The following NFIB variants were observed in gnomAD, a reference collection of about 807,000 sequenced individuals.
NFIB encodes nuclear factor 1 B-type.
In NFIB, 11 loss-of-function variants were observed where a neutral mutation model predicts 61.5. The observed-to-expected ratio is 0.18, with a 90% CI of 0.11 to 0.30. The LOEUF is 0.30. Among genes scored for constraint, NFIB ranks in the 10% least tolerant of loss-of-function variants. The pLI is 1.00. For missense variants in NFIB, 471 were observed against 608.9 expected, an observed-to-expected ratio of 0.77 and a Z score of 2.38; for synonymous variants, 260 against 216.5, an observed-to-expected ratio of 1.20 and a Z score of -1.76.
chr9:14,472,472 T>G, the NFIB span, among the ~76,000 whole-genome samples: 1 of 152,248 alleles, frequency 6.6e-6, no homozygotes, highest in Admixed American at 6.5e-5. Context: ...AATTAAAATG[T>G]GTAAAACAAA....
At chr9:14,357,092 T>G (rs998377703) in intron 1 of NFIB, 3 of 152,248 alleles carry the variant, frequency 2.0e-5, no homozygotes, top group Non-Finnish European at 4.4e-5. Context: ...TGAAATGCTC[T>G]GAATTTCTTG....
At chr9:14,427,774 G>C in the NFIB span, among the ~76,000 whole-genome samples, 2 of 151,966 alleles carry the variant, frequency 1.3e-5, no homozygotes, top group Admixed American at 1.3e-4. Context: ...CCAGAGGAGA[G>C]TCGGTGGCAC....
intron 8 of NFIB, among the ~76,000 whole-genome samples, chr9:14,116,703 C>T (rs1048545583): frequency 1.3e-5 from 2 of 152,234 alleles, no homozygotes; most frequent in Non-Finnish European, 2.9e-5. Flanking sequence ...GAACTAGCTA[C>T]AGTTGGAACC....
chr9:14,116,279 G>A lies in NFIB; in HGVS notation c.1313C>T (p.Pro438Leu). Residue 438 changes from proline (P) to leucine (L), a missense_variant, in exon 9 of 11, where the codon CCC becomes CTC. Around this residue, in one of 2 missense-constraint regions of NFIB, gnomAD observed 372 missense variants for 395.6 expected, o/e 0.94. Transcript: ENST00000380953. ...CACAGGTCGCACTGCACTGGGATGG[G>A]GAGAGGGTGCCAAGACAGGAGTGAA... ...GHFTPVLAPS[P>L]HPSAVRPVTL... 2 of 1,538,866 alleles carry A rather than the reference G, an allele frequency of 1.3e-6. No individual in the cohort carries two copies. Among genetic ancestry groups the A allele is most frequent in the Non-Finnish European group, 1.8e-6 (2 of 1,140,472 alleles).
intron 1 of NFIB, among the ~76,000 whole-genome samples, chr9:14,328,416 G>A (rs1322532232): frequency 1.3e-5 from 2 of 152,102 alleles, no homozygotes; most frequent in African/African-American, 2.4e-5. Context: ...AAAGTGCTAG[G>A]ATTATTATAG....
At chr9:14,406,130 T>A in the NFIB span, among the ~76,000 whole-genome samples, 4 of 152,180 alleles carry the variant, frequency 2.6e-5, no homozygotes, top group African/African-American at 7.2e-5. Context: ...AAGAAACTTT[T>A]ACATAGTGGA....
intron 1 of NFIB, among the ~76,000 whole-genome samples, chr9:14,381,330 C>G (rs1173230943): frequency 6.6e-6 from 1 of 151,684 alleles, no homozygotes; most frequent in Non-Finnish European, 1.5e-5. Flanking sequence ...GAGCTGAGAC[C>G]ATAGGCATAT....
At chr9:14,167,064 T>C (rs546938182) in intron 3 of NFIB, among the ~76,000 whole-genome samples, 1 of 112,150 alleles carries the variant, frequency 8.9e-6, no homozygotes, top group African/African-American at 3.6e-5. Context: ...ACCAAGGGCA[T>C]ATTGTTGTGT....
chr9:14,257,422 A>C (rs1256421300), intron 2 of NFIB, among the ~76,000 whole-genome samples: 1 of 152,182 alleles, frequency 6.6e-6, no homozygotes, highest in Non-Finnish European at 1.5e-5. Flanking sequence ...TCAGTGCTGA[A>C]TGAACAAGAG....
rs575808808 is a variant in NFIB at position 14,248,359 on chromosome 9, C to T, written c.562+58630G>A. Among the ~76,000 whole-genome samples the T allele has an allele frequency of 1.5e-4, 23 of 149,892 alleles. 3 individuals carry two copies. The South Asian group carries it at 4.3e-3, about 28-fold the overall frequency. ...CTTCCTTCCTTCCTGTAGCCTTGGTCTCCCAGGCTCAAGTGATCCTCCCAC... is the reference window on the plus strand; with the variant it reads ...CTTCCTTCCTTCCTGTAGCCTTGGTTTCCCAGGCTCAAGTGATCCTCCCAC... On this transcript the variant is annotated intron_variant, in intron 2 of 10. Transcript: ENST00000380953.
intron 1 of NFIB, among the ~76,000 whole-genome samples, chr9:14,349,391 G>A (rs1350727532): frequency 6.6e-6 from 1 of 152,120 alleles, no homozygotes; most frequent in Non-Finnish European, 1.5e-5. Context: ...AATTTAGGGG[G>A]TGTGGAAGCG....
At chr9:14,208,840 G>C (rs534593088) in intron 2 of NFIB, among the ~76,000 whole-genome samples, 3 of 152,120 alleles carry the variant, frequency 2.0e-5, no homozygotes, top group African/African-American at 2.4e-5. Flanking sequence ...AATTCATCTA[G>C]ACCCACTGAT....
chr9:14,432,767 G>C, the NFIB span, among the ~76,000 whole-genome samples: 1 of 152,172 alleles, frequency 6.6e-6, no homozygotes, highest in Non-Finnish European at 1.5e-5. Flanking sequence ...TCTTGAAAGT[G>C]GGTATTGAAA....
At chr9:14,500,006 C>T in the NFIB span, among the ~76,000 whole-genome samples, 5 of 152,024 alleles carry the variant, frequency 3.3e-5, no homozygotes, top group East Asian at 1.9e-4. Flanking sequence ...GTATAGTACC[C>T]GTCGGAGAGC....
the NFIB span, among the ~76,000 whole-genome samples, chr9:14,495,268 A>T: frequency 6.6e-6 from 1 of 151,976 alleles, no homozygotes; most frequent in African/African-American, 2.4e-5. Context: ...CAGATCTCCC[A>T]CACCCCTGGT....
chr9:14,529,065 G>C, the NFIB span, among the ~76,000 whole-genome samples: 1 of 152,132 alleles, frequency 6.6e-6, no homozygotes, highest in South Asian at 2.1e-4. Context: ...AAAACTGAAT[G>C]TAGGTAGATG....
chr9:14,418,138 G>A, the NFIB span, among the ~76,000 whole-genome samples: 2 of 152,124 alleles, frequency 1.3e-5, no homozygotes, highest in Non-Finnish European at 2.9e-5. Context: ...ATTAAAGTCT[G>A]AGGACCACTG....
chr9:14,099,299 T>G (rs2035361077), intron 10 of NFIB, among the ~76,000 whole-genome samples: 1 of 152,204 alleles, frequency 6.6e-6, no homozygotes, highest in Admixed American at 6.5e-5. Context: ...ATTATTTAAT[T>G]CTTTGGATGA....
At chr9:14,510,168 T>C in the NFIB span, among the ~76,000 whole-genome samples, 1 of 152,236 alleles carries the variant, frequency 6.6e-6, no homozygotes, top group African/African-American at 2.4e-5. Context: ...AGAACTGGGA[T>C]TACAGGCGTG....
Sources: gnomAD v4.1 joint callset for allele counts (sites outside exome capture counted in the v4.1 genomes callset) on GRCh38, gnomAD v4.1.1 for gene constraint, gnomAD v4.1.1 regional missense constraint, MANE v1.5 for transcripts, NCBI Gene and HGNC (gene_info 2026-07-23, HGNC 2026-07-21) for gene names.